Variants in CYTH4 observed in about 807,000 individuals in gnomAD.
CYTH4 encodes the protein cytohesin 4.
A neutral mutation model predicts 57.5 loss-of-function variants in CYTH4; 22 were observed. The observed-to-expected ratio is 0.38, with a 90% CI of 0.27 to 0.55. The LOEUF is 0.55. Among genes scored for constraint, CYTH4 ranks in the 20% least tolerant of loss-of-function variants. The probability of loss-of-function intolerance (pLI) is 0.74; values close to 1 mark genes in which losing one functional copy is unlikely to be tolerated. For synonymous variants in CYTH4, 186 were observed against 206.5 expected, an observed-to-expected ratio of 0.90 and a Z score of 0.85; for missense variants, 420 against 535.6, an observed-to-expected ratio of 0.78 and a Z score of 2.13.
chr22:37,289,426 G>A (rs1185536279), intron 1 of CYTH4, among the ~76,000 whole-genome samples: 1 of 152,244 alleles, frequency 6.6e-6, no homozygotes, highest in Non-Finnish European at 1.5e-5. Context: ...GAGCAGGACT[G>A]TAGTTCAGTA....
At chr22:37,301,941 C>A (rs192542296) in intron 7 of CYTH4, 5 of 168,378 alleles carry the variant, frequency 3.0e-5, no homozygotes, top group African/African-American at 1.2e-4. Flanking sequence ...TCAGGTGATC[C>A]GCCCGCCTCG....
intron 12 of CYTH4, among the ~76,000 whole-genome samples, chr22:37,313,183 G>A (rs540121623): frequency 1.3e-5 from 2 of 152,354 alleles, no homozygotes; most frequent in East Asian, 3.9e-4. Context: ...GAGACATTTG[G>A]GAGTAGAATT....
chr22:37,296,281 G>A, intron 4 of CYTH4: 3 of 586,000 alleles, frequency 5.1e-6, no homozygotes, highest in East Asian at 2.9e-5. Context: ...GGAGGAGCCA[G>A]GAGCATGGAG....
chr22:37,292,509 C>T, intron 1 of CYTH4, 112 bp from the exon 2 acceptor site: 1 of 1,078,480 alleles, frequency 9.3e-7, no homozygotes, highest in Non-Finnish European at 1.4e-6. Context: ...AGGTGGGCCT[C>T]TGTGAATAGG....
In CYTH4 at chr22:37,314,251, G is replaced by A. The variant is rs41280021; in HGVS notation, c.*740G>A. The A allele has an allele frequency of 0.044, 17,584 of 398,296 alleles. 490 individuals carry two copies. Among genetic ancestry groups the A allele is most frequent in the Non-Finnish European group, 0.058 (13,015 of 225,874 alleles). 24.7% of individuals were successfully genotyped at this position (398,296 alleles called of 1,614,324 possible). A position where few individuals can be genotyped will look rare whatever the true frequency, so the allele number is the denominator to read the frequency against. The stretch of plus-strand genomic sequence containing the variant: ...CAGCTTCCAGCTGGAGATGGCAGCC[G>A]TTGTTTGCGGAGCCCAGGCTGACTC... On this transcript the variant is annotated 3_prime_UTR_variant, in exon 13 of 13. Transcript: ENST00000248901.
At position 37,310,908 on chromosome 22, in the gene CYTH4, C is replaced by T. The variant is rs56038904; in HGVS notation, c.809-80C>T. The T allele has an allele frequency of 5.2e-3, 7,752 of 1,500,374 alleles. 176 individuals are homozygous for T. The African/African-American group carries it at 0.065, about 13-fold the overall frequency. 92.9% of individuals were successfully genotyped at this position (1,500,374 alleles called of 1,614,324 possible). A position where few individuals can be genotyped will look rare whatever the true frequency, so the allele number is the denominator to read the frequency against. ...AGCTGGGGGTCCAGGGGAAAGCATC[C>T]GAGGACCTGCCCTTCCCTGGAGGAG... On this transcript the variant is annotated intron_variant, in intron 9 of 12. Coordinates refer to ENST00000248901, the MANE Select transcript of CYTH4 (RefSeq NM_013385.5).
In CYTH4 at chr22:37,309,343, ACGT is replaced by A. The variant is rs778447993; in HGVS notation, c.808+26_808+28del. The stretch of plus-strand genomic sequence containing the variant: ...AGCTAGGTGAGAGACCGACAGACAC[ACGT>A]CGTCGCACACACACTCATGCACGCG... On this transcript the variant is annotated intron_variant, in intron 9 of 12. Coordinates refer to ENST00000248901, the MANE Select transcript of CYTH4 (RefSeq NM_013385.5). The A allele has an allele frequency of 1.0e-5, 16 of 1,599,870 alleles. No individual in the cohort carries two copies. The Admixed American group carries it at 2.5e-4, about 25-fold the overall frequency.
intron 7 of CYTH4, among the ~76,000 whole-genome samples, chr22:37,301,371 G>A (rs1306932499): frequency 6.6e-6 from 1 of 152,174 alleles, no homozygotes; most frequent in Admixed American, 6.5e-5. Context: ...GAGTTTTCCA[G>A]GAGGTTAAGG....
chr22:37,299,185 A>C, intron 5 of CYTH4, 41 bp from the exon 6 acceptor site: 1 of 1,531,510 alleles, frequency 6.5e-7, no homozygotes, highest in Non-Finnish European at 9.0e-7. Context: ...GCCAGCAAGT[A>C]TCCAAGTGTG....
In CYTH4 at chr22:37,296,996, G is replaced by A. The variant is rs374579601; in HGVS notation, c.235-568G>A. ...AGGTGCTTGTGATATTGTCAAATCC[G>A]AAAAACAGATTTAAATGTGACAGGC... is the stretch of plus-strand genomic sequence containing the variant. On this transcript the variant is annotated intron_variant, in intron 4 of 12. Transcript: ENST00000248901. 1.4e-4 allele frequency among the ~76,000 whole-genome samples: 22 copies of A among 152,246 alleles called. No individual in the cohort carries two copies. The East Asian group carries it at 1.9e-3, about 13-fold the overall frequency.
intron 2 of CYTH4, among the ~76,000 whole-genome samples, chr22:37,294,099 G>A (rs1016263724): frequency 8.7e-5 from 13 of 149,714 alleles, no homozygotes; most frequent in African/African-American, 3.2e-4. Context: ...TTGAGCAGGG[G>A]AAGGGCAGGC....
chr22:37,293,216 C>T (rs1010907947), intron 2 of CYTH4, among the ~76,000 whole-genome samples: 5 of 152,212 alleles, frequency 3.3e-5, no homozygotes, highest in Non-Finnish European at 7.3e-5. Flanking sequence ...TCTGCCTGGG[C>T]TGCAGTGGCT....
At chr22:37,297,202 A>G (rs1370697029) in intron 4 of CYTH4, among the ~76,000 whole-genome samples, 6 of 152,224 alleles carry the variant, frequency 3.9e-5, no homozygotes, top group African/African-American at 9.6e-5. Context: ...TTTAAATAAT[A>G]TGAGTTTTAG....
chr22:37,292,376 G>A (rs1313978027), intron 1 of CYTH4: 1 of 510,058 alleles, frequency 2.0e-6, no homozygotes, highest in East Asian at 3.1e-5. Context: ...CAGAAAAGAT[G>A]CAAGGAAACA....
intron 7 of CYTH4, among the ~76,000 whole-genome samples, chr22:37,302,552 C>T (rs1288215594): frequency 6.6e-6 from 1 of 152,146 alleles, no homozygotes; most frequent in East Asian, 1.9e-4. Context: ...CCAGAACAGG[C>T]AGTTACTTCA....
In CYTH4 at chr22:37,311,844, T is replaced by C; in HGVS notation, c.958-176T>C. ...TGGGGACTTTAGGGAGGATGGTGGA[T>C]TCAGGAGCCTGCCACAGAGAGAGTG... On this transcript the variant is annotated intron_variant, in intron 11 of 12. Coordinates refer to ENST00000248901, the MANE Select transcript of CYTH4 (RefSeq NM_013385.5). The surrounding 1 kb of genome is among the most constrained non-coding windows in gnomAD (Gnocchi z 4.4). 1 of 835,334 alleles carries C rather than the reference T, an allele frequency of 1.2e-6. No individual in the cohort carries two copies. The highest frequency in any genetic ancestry group is 1.8e-6 in the Non-Finnish European group (1 of 552,710). The allele number at this position is 835,334 out of a possible 1,614,324, so 51.7% of individuals were successfully genotyped here.
intron 1 of CYTH4, among the ~76,000 whole-genome samples, chr22:37,285,866 CA>C (rs1928538383): frequency 6.6e-6 from 1 of 152,174 alleles, no homozygotes; most frequent in African/African-American, 2.4e-5. Context: ...CCGGGGCCAT[CA>C]TCACCCTCAT....
At chr22:37,299,851 C>T (rs754025851) in intron 6 of CYTH4, among the ~76,000 whole-genome samples, 1 of 152,064 alleles carries the variant, frequency 6.6e-6, no homozygotes, top group Non-Finnish European at 1.5e-5. Flanking sequence ...ATTAGCCGGG[C>T]GTGGTGGCGG....
chr22:37,298,563 G>C lies in CYTH4; in HGVS notation c.354-663G>C, dbSNP rs1357113749. The stretch of plus-strand genomic sequence containing the variant: ...GGGAGGAGCGGTCCAGGAGTAGCAA[G>C]TAAAAAGGCCCTGGGGTCAGAAACA... On this transcript the variant is annotated intron_variant, in intron 5 of 12. Coordinates refer to ENST00000248901, the MANE Select transcript of CYTH4 (RefSeq NM_013385.5). This position sits in a 1 kb window ranked among gnomAD's most constrained non-coding sequence, Gnocchi z 4.1. 6.6e-6 allele frequency among the ~76,000 whole-genome samples: 1 copy of C among 152,156 alleles called. No individual in the cohort carries two copies. The highest frequency in any genetic ancestry group is 1.5e-5 in the Non-Finnish European group (1 of 68,036).
Sources: allele counts gnomAD v4.1 joint callset (sites outside exome capture counted in the v4.1 genomes callset), GRCh38; gene constraint gnomAD v4.1.1; non-coding constraint Gnocchi (gnomAD v3.1); transcripts MANE v1.5; gene names NCBI Gene and HGNC (gene_info 2026-07-23, HGNC 2026-07-21).